The following SOX5 variants were observed in gnomAD, a reference collection of about 807,000 sequenced individuals.
SOX5 encodes the protein transcription factor SOX-5.
SOX5 carries 9 observed loss-of-function variants against 92.0 expected under a neutral mutation model. The ratio of observed to expected loss-of-function variants is 0.10; its 90% CI spans 0.06 to 0.17. SOX5 has a LOEUF of 0.17. Ranked by LOEUF, SOX5 falls within the 10% of genes least tolerant of loss-of-function variation. The probability of loss-of-function intolerance (pLI) is 1.00; values close to 1 mark genes in which losing one functional copy is unlikely to be tolerated. For synonymous variants in SOX5, 344 were observed against 336.3 expected (o/e 1.02, Z -0.25); for missense variants, 642 against 944.5 (o/e 0.68, Z 4.20).
intron 4 of SOX5, among the ~76,000 whole-genome samples, chr12:24,112,074 A>C (rs1947414972): frequency 6.6e-6 from 1 of 152,226 alleles, no homozygotes. Context: ...GCAAAATGTT[A>C]ATACCTCTAA....
chr12:24,104,682 C>T (rs942847892), intron 4 of SOX5, among the ~76,000 whole-genome samples: 3 of 152,072 alleles, frequency 2.0e-5, no homozygotes, highest in African/African-American at 7.2e-5. Context: ...GTGTGTGAGC[C>T]ATTTCTGGCC....
chr12:23,712,239 C>T (rs1441154534), intron 6 of SOX5, among the ~76,000 whole-genome samples: 2 of 152,008 alleles, frequency 1.3e-5, no homozygotes, highest in African/African-American at 4.8e-5. Flanking sequence ...CATATTAGAC[C>T]CTACCCAAGA....
chr12:24,236,930 C>A (rs1964630947), intron 3 of SOX5, among the ~76,000 whole-genome samples: 2 of 151,902 alleles, frequency 1.3e-5, no homozygotes, highest in South Asian at 4.2e-4. Context: ...AAATGTAGAT[C>A]TGGATTACTC....
intron 8 of SOX5, among the ~76,000 whole-genome samples, chr12:23,609,287 G>A (rs761783520): frequency 3.9e-5 from 6 of 152,160 alleles, no homozygotes; most frequent in Non-Finnish European, 7.4e-5. Flanking sequence ...AAGCAAAAGA[G>A]TTTTAATTGA....
chr12:23,715,416 T>C (rs1268412755), intron 6 of SOX5, among the ~76,000 whole-genome samples: 2 of 152,228 alleles, frequency 1.3e-5, no homozygotes, highest in African/African-American at 4.8e-5. Context: ...TGACTCAGTA[T>C]GCAGTAAATG....
chr12:23,540,411 G>A (rs1174403522), intron 13 of SOX5, among the ~76,000 whole-genome samples: 1 of 149,042 alleles, frequency 6.7e-6, no homozygotes, highest in Non-Finnish European at 1.5e-5. Flanking sequence ...ATAAAAAGCA[G>A]AGAAGGACAA....
intron 9 of SOX5, among the ~76,000 whole-genome samples, chr12:23,579,320 T>C (rs1949723280): frequency 6.6e-6 from 1 of 152,176 alleles, no homozygotes; most frequent in Non-Finnish European, 1.5e-5. Flanking sequence ...TTGATATAAA[T>C]GTCATTCAAA....
At chr12:23,827,727 G>C (rs2096254838) in intron 3 of SOX5, among the ~76,000 whole-genome samples, 1 of 152,190 alleles carries the variant, frequency 6.6e-6, no homozygotes, top group Admixed American at 6.5e-5. Flanking sequence ...TAGGTTAATA[G>C]ATGGATCCTT....
intron 5 of SOX5, among the ~76,000 whole-genome samples, chr12:23,739,502 T>C (rs2093720063): frequency 6.6e-6 from 1 of 152,224 alleles, no homozygotes; most frequent in Non-Finnish European, 1.5e-5. Flanking sequence ...CATTTAACAC[T>C]GTTCCCCAAG....
intron 1 of SOX5, among the ~76,000 whole-genome samples, chr12:24,384,843 C>A (rs1026001350): frequency 6.6e-6 from 1 of 152,028 alleles, no homozygotes; most frequent in African/African-American, 2.4e-5. Flanking sequence ...AATATCAAAC[C>A]ATTTACTGGA....
At chr12:24,083,037 A>G (rs942596314) in intron 4 of SOX5, among the ~76,000 whole-genome samples, 21 of 152,062 alleles carry the variant, frequency 1.4e-4, no homozygotes, top group Admixed American at 1.3e-3. Context: ...GTCATGTTAA[A>G]GAACAGAATT....
At chr12:23,651,205 CATATACATATACACAT>C (rs1235732087) in intron 7 of SOX5, among the ~76,000 whole-genome samples, 5 of 152,046 alleles carry the variant, frequency 3.3e-5, no homozygotes, top group Non-Finnish European at 5.9e-5. Flanking sequence ...AAATATCTTA[CATATACATATACACAT>C]ATATACATAT....
chr12:24,205,170 T>C (rs1172285497), intron 4 of SOX5, among the ~76,000 whole-genome samples: 1 of 152,208 alleles, frequency 6.6e-6, no homozygotes, highest in Non-Finnish European at 1.5e-5. Flanking sequence ...ACAAGTGGCA[T>C]ACAGTACTTA....
chr12:24,382,403 A>G (rs1957919665), intron 1 of SOX5, among the ~76,000 whole-genome samples: 1 of 151,944 alleles, frequency 6.6e-6, no homozygotes, highest in Non-Finnish European at 1.5e-5. Context: ...TATGGTAGGG[A>G]GGAAAATGGC....
At chr12:24,008,542 GA>G (rs571532754) in intron 4 of SOX5, among the ~76,000 whole-genome samples, 32 of 150,682 alleles carry the variant, frequency 2.1e-4, no homozygotes, top group Non-Finnish European at 3.0e-4. Context: ...AAATATAAAA[GA>G]AAAAAAAATC....
intron 8 of SOX5, among the ~76,000 whole-genome samples, chr12:23,608,115 GAAAAAAAAAAAAA>G (rs772255622): frequency 9.1e-4 from 40 of 44,086 alleles, no homozygotes; most frequent in African/African-American, 2.5e-3. Flanking sequence ...AAAGAAAAAA[GAAAAAAAAAAAAA>G]AAAAAAAAAA....
chr12:24,413,177 T>C (rs577596431), intron 1 of SOX5, among the ~76,000 whole-genome samples: 1 of 152,328 alleles, frequency 6.6e-6, no homozygotes, highest in South Asian at 2.1e-4. Context: ...ATTGTGAGTT[T>C]GTCTATTTCT....
intron 4 of SOX5, among the ~76,000 whole-genome samples, chr12:24,164,323 C>T (rs972176393): frequency 6.6e-6 from 1 of 151,994 alleles, no homozygotes; most frequent in African/African-American, 2.4e-5. Context: ...ATTGTCATGT[C>T]TAAACATTAC....
chr12:24,065,920 C>T (rs1272635793), intron 4 of SOX5, among the ~76,000 whole-genome samples: 1 of 152,108 alleles, frequency 6.6e-6, no homozygotes, highest in African/African-American at 2.4e-5. Flanking sequence ...GGTGAGGACA[C>T]AGTTAACTTC....
Sources: gnomAD v4.1 joint callset for allele counts (sites outside exome capture counted in the v4.1 genomes callset) on GRCh38, gnomAD v4.1.1 for gene constraint, MANE v1.5 for transcripts, NCBI Gene and HGNC (gene_info 2026-07-23, HGNC 2026-07-21) for gene names.